Variants in PITRM1 observed in about 807,000 individuals in gnomAD.
PITRM1 encodes the protein presequence protease, mitochondrial.
A neutral mutation model predicts 129.9 loss-of-function variants in PITRM1; 100 were observed. That is an observed-to-expected ratio of 0.77 (90% confidence interval 0.65 to 0.91). The LOEUF is 0.91. Among genes scored for constraint, PITRM1 ranks in the 40% least tolerant of loss-of-function variants. The probability of loss-of-function intolerance (pLI) is 0.00; values close to 1 mark genes in which losing one functional copy is unlikely to be tolerated. For missense variants in PITRM1, 1,471 were observed against 1,318.3 expected (o/e 1.12, Z -1.79); for synonymous variants, 591 against 508.8 (o/e 1.16, Z -2.17).
chr10:3,140,238 T>TA (rs1840045966), intron 24 of PITRM1, among the ~76,000 whole-genome samples: 1 of 152,254 alleles, frequency 6.6e-6, no homozygotes. Context: ...ATCTGATACC[T>TA]AGACGGCTAC....
intron 7 of PITRM1, among the ~76,000 whole-genome samples, chr10:3,161,171 G>A (rs1842413809): frequency 6.6e-6 from 1 of 152,144 alleles, no homozygotes; most frequent in Admixed American, 6.5e-5. Context: ...GGATTTGCAG[G>A]CATGAGCCAC....
intron 20 of PITRM1, 97 bp from the exon 21 acceptor site, chr10:3,145,813 G>T: frequency 2.0e-6 from 2 of 995,036 alleles, no homozygotes. Flanking sequence ...TGTTTTTATA[G>T]AAAATACTGT....
At chr10:3,172,211 C>T (rs902485542) in intron 1 of PITRM1, 12 of 457,078 alleles carry the variant, frequency 2.6e-5, no homozygotes, top group Non-Finnish European at 4.8e-5. Context: ...CGTGGATTAC[C>T]ATGAACACTA....
At chr10:3,150,167 A>C (rs1324410501) in intron 15 of PITRM1, among the ~76,000 whole-genome samples, 1 of 152,028 alleles carries the variant, frequency 6.6e-6, no homozygotes, top group Non-Finnish European at 1.5e-5. Context: ...CCAGGGCCCC[A>C]AACAAGGCTC....
chr10:3,169,343 C>A (rs1039323554), intron 2 of PITRM1, among the ~76,000 whole-genome samples: 3 of 152,154 alleles, frequency 2.0e-5, no homozygotes, highest in Non-Finnish European at 4.4e-5. Flanking sequence ...CGTTCTCACA[C>A]CACCCTCTCC....
chr10:3,160,165 T>G, intron 8 of PITRM1, 39 bp downstream of exon 8: 1 of 1,609,016 alleles, frequency 6.2e-7, no homozygotes, highest in Non-Finnish European at 8.5e-7. Flanking sequence ...CATGTCAACA[T>G]ATTTACCAGG....
chr10:3,152,756 T>C (rs1330024231), intron 14 of PITRM1, among the ~76,000 whole-genome samples: 1 of 152,222 alleles, frequency 6.6e-6, no homozygotes, highest in African/African-American at 2.4e-5. Context: ...AGCTCCCTCC[T>C]GCCTCTTCCC....
At chr10:3,138,644 C>G (rs1839849911) in intron 25 of PITRM1, 1 of 616,796 alleles carries the variant, frequency 1.6e-6, no homozygotes, top group Non-Finnish European at 2.9e-6. Flanking sequence ...CCCACGTCCT[C>G]CTTCCACCCT....
intron 6 of PITRM1, among the ~76,000 whole-genome samples, chr10:3,165,023 C>T (rs1236265207): frequency 6.6e-6 from 1 of 152,206 alleles, no homozygotes; most frequent in African/African-American, 2.4e-5. Flanking sequence ...AGATCACATA[C>T]CAGGGGTCCC....
rs1169315061 is a variant in PITRM1 at position 3,171,147 on chromosome 10, T to TAA, written c.57-943_57-942dup. 5.9e-4 allele frequency among the ~76,000 whole-genome samples: 29 copies of TAA among 49,184 alleles called. 1 individual carries two copies. The highest frequency in any genetic ancestry group is 8.0e-4 in the African/African-American group (10 of 12,492). 32.3% of individuals were successfully genotyped at this position (49,184 alleles called of 152,430 possible). On this transcript the variant is annotated intron_variant, in intron 1 of 26. Transcript: ENST00000224949. ...ATAAAGTGCGGACTAATCGTTCAATTAAAAAAAAAAAAAAAAAAAAAAAAA... is the reference window on the plus strand; with the variant it reads ...ATAAAGTGCGGACTAATCGTTCAATTAAAAAAAAAAAAAAAAAAAAAAAAAAA...
intron 6 of PITRM1, 60 bp from the exon 7 acceptor site, chr10:3,163,945 T>C (rs1462701555): frequency 1.7e-6 from 2 of 1,162,610 alleles, no homozygotes; most frequent in African/African-American, 3.1e-5. Flanking sequence ...CACGTTACAT[T>C]ACTTACAATA....
At chr10:3,144,097 G>C (rs1840573126) in intron 22 of PITRM1, 195 bp downstream of exon 22, 2 of 597,278 alleles carry the variant, frequency 3.3e-6, no homozygotes, top group Non-Finnish European at 3.0e-6. Context: ...ACCCCCACCA[G>C]GGCCTTCACT....
intron 6 of PITRM1, among the ~76,000 whole-genome samples, chr10:3,164,548 T>G (rs1842709585): frequency 6.6e-6 from 1 of 152,148 alleles, no homozygotes; most frequent in Admixed American, 6.6e-5. Flanking sequence ...CATAAATAAC[T>G]CCCACAAGCT....
rs1731798943 is a variant in PITRM1, at chr10:3,155,676, C to G, written c.1536G>C (p.Glu512Asp). ...TCGTGGCTTCCACCTGTGCCTGCTTCTCGTGATACTTGTCATCTGGCCTCA... is the reference window on the plus strand; with the variant it reads ...TCGTGGCTTCCACCTGTGCCTGCTTGTCGTGATACTTGTCATCTGGCCTCA... The part of the protein sequence containing the change: ...LSMRPDDKYH[E>D]KQAQVEATKL... The change falls in exon 14 of 27, where the codon GAG becomes GAC. Residue 512 changes from glutamate to aspartate, a missense_variant. Coordinates refer to ENST00000224949, the MANE Select transcript of PITRM1 (RefSeq NM_014889.4). The G allele has an allele frequency of 6.2e-7, 1 of 1,613,930 alleles. No homozygotes were observed. The highest frequency in any genetic ancestry group is 1.1e-5 in the South Asian group (1 of 91,084).
chr10:3,160,848 A>C (rs9423499), intron 7 of PITRM1, among the ~76,000 whole-genome samples: 95,601 of 151,404 alleles, frequency 0.63, 30,406 homozygotes, highest in Non-Finnish European at 0.68. Flanking sequence ...GCAACCTCCG[A>C]CTCCCAGGTT....
intron 1 of PITRM1, 25 bp downstream of exon 1, chr10:3,172,692 A>G: frequency 6.5e-7 from 1 of 1,530,190 alleles, no homozygotes; most frequent in Non-Finnish European, 8.8e-7. Flanking sequence ...CAGCGCGCCG[A>G]GCGCCTCCCG....
rs748775154 is a variant in PITRM1 at position 3,138,117 on chromosome 10, C to T, written c.3028G>A (p.Gly1010Ser). The T allele has an allele frequency of 1.5e-5, 24 of 1,608,534 alleles. No individual in the cohort carries two copies. Among genetic ancestry groups the T allele is most frequent in the East Asian group, 4.5e-5 (2 of 44,754 alleles). Residue 1010 changes from glycine to serine, a missense_variant, in exon 27 of 27, where the codon GGC becomes AGC. Transcript: ENST00000224949. ...AGGCCGTGTGTGCTCTTCCCAGTGC[C>T]GAGGTATCTGAGAGGAAGGCAGGCG... is the stretch of plus-strand genomic sequence containing the variant. ...KLLAVSDRYL[G>S]TGKSTHGLAI...
chr10:3,143,871 C>T, intron 22 of PITRM1: 1 of 538,844 alleles, frequency 1.9e-6, no homozygotes, highest in Middle Eastern at 2.8e-4. Flanking sequence ...TGTTAAATCA[C>T]TCTACTCCAC....
At chr10:3,151,418 G>C in intron 14 of PITRM1, 55 bp from the exon 15 acceptor site, 1 of 1,007,382 alleles carries the variant, frequency 9.9e-7, no homozygotes, top group Non-Finnish European at 1.5e-6. Context: ...AAGGTTTGAT[G>C]CAACTTGTCT....
Sources: gnomAD v4.1 joint callset for allele counts (sites outside exome capture counted in the v4.1 genomes callset) on GRCh38, gnomAD v4.1.1 for gene constraint, MANE v1.5 for transcripts, NCBI Gene and HGNC (gene_info 2026-07-23, HGNC 2026-07-21) for gene names.